Variants in SOAT1 observed in about 807,000 individuals in gnomAD.
The protein encoded by SOAT1 is sterol O-acyltransferase 1.
In SOAT1, 55 loss-of-function variants were observed where a neutral mutation model predicts 69.5. The ratio of observed to expected loss-of-function variants is 0.79; its 90% confidence interval spans 0.64 to 0.99. The LOEUF (loss-of-function observed/expected upper bound fraction) is 0.99, where lower values mean the gene tolerates loss of function less well. Among genes scored for constraint, SOAT1 ranks in the 50% least tolerant of loss-of-function variants. The pLI, the probability that SOAT1 is intolerant of heterozygous loss-of-function variation, is 0.00. For missense variants in SOAT1, 580 were observed against 669.3 expected, an observed-to-expected ratio of 0.87 and a Z score of 1.47; for synonymous variants, 231 against 224.7, an observed-to-expected ratio of 1.03 and a Z score of -0.25.
intron 2 of SOAT1, among the ~76,000 whole-genome samples, chr1:179,304,082 G>T (rs1664922583): frequency 6.6e-6 from 1 of 152,184 alleles, no homozygotes; most frequent in Non-Finnish European, 1.5e-5. Flanking sequence ...GTTAAAAATT[G>T]AATTGGTTAG....
chr1:179,301,816 G>A (rs895746527), intron 1 of SOAT1, among the ~76,000 whole-genome samples: 16 of 152,182 alleles, frequency 1.1e-4, no homozygotes, highest in African/African-American at 3.9e-4. Context: ...GGCTTATAAG[G>A]TCCTTGTTTT....
At chr1:179,314,386 C>A (rs1051246116) in intron 2 of SOAT1, among the ~76,000 whole-genome samples, 1 of 152,142 alleles carries the variant, frequency 6.6e-6, no homozygotes, top group Non-Finnish European at 1.5e-5. Context: ...GGTAGATTGA[C>A]TATAGTAATA....
chr1:179,352,594 C>T (rs537860187), intron 15 of SOAT1, among the ~76,000 whole-genome samples: 91 of 152,244 alleles, frequency 6.0e-4, no homozygotes, highest in African/African-American at 2.0e-3. Context: ...AAGTTCATCT[C>T]GGCATCCTGT....
rs772270018 is a variant in SOAT1 at position 179,345,037 on chromosome 1, C to T, written c.1078C>T (p.Arg360Cys). The change falls in exon 11 of 16, where the codon CGT (arginine) becomes TGT (cysteine). Residue 360 changes from arginine to cysteine, a missense_variant. Physicochemically the swap from Arg to Cys is radical, Grantham distance 180 (BLOSUM62 -3). Transcript: ENST00000367619. ...TATCAAACAGGAGCCCTTCAGCGCTCGTGTTCTGGTCCTATGTGTATTTAA... is the reference window on the plus strand; with the variant it reads ...TATCAAACAGGAGCCCTTCAGCGCTTGTGTTCTGGTCCTATGTGTATTTAA... ...RNIKQEPFSARVLVLCVFNSI... is the reference protein window; with the variant it reads ...RNIKQEPFSACVLVLCVFNSI... 8.1e-6 allele frequency: 13 copies of T among 1,613,926 alleles called. No individual in the cohort carries two copies. Among genetic ancestry groups the T allele is most frequent in the Middle Eastern group, 1.6e-4 (1 of 6,082 alleles).
chr1:179,334,843 C>T (rs1050498727), intron 3 of SOAT1, among the ~76,000 whole-genome samples: 3 of 151,724 alleles, frequency 2.0e-5, no homozygotes, highest in African/African-American at 7.3e-5. Context: ...TGGAGAAACC[C>T]TGTCTCTACG....
At chr1:179,327,287 C>A (rs1324912594) in intron 3 of SOAT1, among the ~76,000 whole-genome samples, 1 of 152,066 alleles carries the variant, frequency 6.6e-6, no homozygotes, top group East Asian at 1.9e-4. Flanking sequence ...TTTTTAAATG[C>A]AAGTTAGGAA....
At chr1:179,312,507 C>G (rs562133648) in intron 2 of SOAT1, among the ~76,000 whole-genome samples, 6 of 152,168 alleles carry the variant, frequency 3.9e-5, no homozygotes, top group African/African-American at 1.4e-4. Flanking sequence ...GTCTCATTGG[C>G]CAGAGTTAGA....
chr1:179,323,750 G>A lies in SOAT1; in HGVS notation c.177+255G>A, dbSNP rs141055308. 5.9e-5 allele frequency among the ~76,000 whole-genome samples: 9 copies of A among 152,238 alleles called. No individual in the cohort carries two copies. In the East Asian group the frequency reaches 1.5e-3, roughly 26 times the overall value. ...GCAAATCTTGGTTTTAGTGACCCAC[G>A]TTAACAGTTGATAGCGTTGAATGTC... On this transcript the variant is annotated intron_variant, in intron 3 of 15. Coordinates refer to ENST00000367619, the MANE Select transcript of SOAT1 (RefSeq NM_003101.6).
At chr1:179,353,219 A>ATTTATATATATAAATATATATATTTT (rs1666805121) in intron 15 of SOAT1, among the ~76,000 whole-genome samples, 3 of 121,336 alleles carry the variant, frequency 2.5e-5, no homozygotes, top group Admixed American at 1.0e-4. Flanking sequence ...ATATATATAT[A>ATTTATATATATAAATATATATATTTT]TATATCTATT....
intron 1 of SOAT1, among the ~76,000 whole-genome samples, chr1:179,301,348 T>C (rs1664825080): frequency 1.3e-5 from 2 of 152,246 alleles, no homozygotes; most frequent in African/African-American, 4.8e-5. Context: ...TCTAATTTCT[T>C]AGGCCTTTAT....
At position 179,344,352 on chromosome 1, in the gene SOAT1, GGTTTTT is replaced by G. The variant is rs1558056815; in HGVS notation, c.988-594_988-589del. 1.0e-3 allele frequency among the ~76,000 whole-genome samples: 126 copies of G among 120,544 alleles called. 28 individuals carry two copies. The highest frequency in any genetic ancestry group is 4.4e-3 in the Middle Eastern group (1 of 228). 79.1% of individuals were successfully genotyped at this position (120,544 alleles called of 152,430 possible). On this transcript the variant is annotated intron_variant, in intron 10 of 15. Transcript: ENST00000367619. ...TATGAAGTAAGTTCTTTCATTAAGG[GGTTTTT>G]TTTTTTTTTTTTTTTTTTTTTTTTT...
Position 179,348,846 on chromosome 1 carries a change from T to C in SOAT1, c.1218T>C (p.Asp406=), listed in dbSNP as rs1437422628. ...LRFGDRMFYK[D]WWNSTSYSNY... is the part of the protein sequence containing the mutation. ...TATACCTTTACTTTTTCCCTCAGGA[T>C]TGGTGGAACTCCACGTCATACTCCA... The change falls in exon 13 of 16, where the codon GAT becomes GAC. Residue 406 remains aspartate (D), a splice_region_variant and synonymous_variant. Coordinates refer to ENST00000367619, the MANE Select transcript of SOAT1 (RefSeq NM_003101.6). The C allele has an allele frequency of 1.9e-6, 3 of 1,570,492 alleles. No individual in the cohort carries two copies. The highest frequency in any genetic ancestry group is 2.6e-6 in the Non-Finnish European group (3 of 1,143,010).
At chr1:179,325,267 A>C (rs555837426) in intron 3 of SOAT1, among the ~76,000 whole-genome samples, 16 of 147,936 alleles carry the variant, frequency 1.1e-4, no homozygotes, top group Admixed American at 3.5e-4. Flanking sequence ...CTCCTGCATC[A>C]GCCTCCCGAG....
intron 14 of SOAT1, among the ~76,000 whole-genome samples, chr1:179,350,637 A>G (rs1424566515): frequency 6.6e-6 from 1 of 152,248 alleles, no homozygotes; most frequent in Non-Finnish European, 1.5e-5. Context: ...AAGTAGGGAA[A>G]TGAACTAGGT....
rs1666962800 is a variant in SOAT1 at position 179,357,967 on chromosome 1, AAG to A, written c.*4331_*4332del. The A allele has an allele frequency of 6.6e-6, 1 of 152,206 alleles. No homozygotes were observed. Among genetic ancestry groups the A allele is most frequent in the African/African-American group, 2.4e-5 (1 of 41,444 alleles). 9.4% of individuals were successfully genotyped at this position (152,206 alleles called of 1,614,324 possible). A position where few individuals can be genotyped will look rare whatever the true frequency, so the allele number is the denominator to read the frequency against. Reference sequence around the variant, plus strand: ...AAAAATTACATATAAGCCCGGTTTAAAGAGAGGATAATATGCAACCACCCTAG... The same window carrying A: ...AAAAATTACATATAAGCCCGGTTTAAAGAGGATAATATGCAACCACCCTAG... On this transcript the variant is annotated 3_prime_UTR_variant, in exon 16 of 16. Coordinates refer to ENST00000367619, the MANE Select transcript of SOAT1 (RefSeq NM_003101.6).
intron 1 of SOAT1, among the ~76,000 whole-genome samples, chr1:179,300,359 C>T (rs1664794643): frequency 6.6e-6 from 1 of 152,142 alleles, no homozygotes; most frequent in Non-Finnish European, 1.5e-5. Context: ...GTGGCTTCCT[C>T]TGTCACTTTT....
chr1:179,320,179 G>A (rs1450497131), intron 2 of SOAT1, among the ~76,000 whole-genome samples: 1 of 151,996 alleles, frequency 6.6e-6, no homozygotes, highest in Non-Finnish European at 1.5e-5. Flanking sequence ...ATATTTTTAG[G>A]TATTTGATCC....
At chr1:179,344,231 T>C (rs1666441288) in intron 10 of SOAT1, among the ~76,000 whole-genome samples, 1 of 152,112 alleles carries the variant, frequency 6.6e-6, no homozygotes, top group African/African-American at 2.4e-5. Context: ...TATGTGGGTA[T>C]AGTCTGACTC....
rs1431593279 is a variant in SOAT1 at position 179,345,072 on chromosome 1, G to T, written c.1113G>T (p.Leu371Phe). 1.1e-5 allele frequency: 17 copies of T among 1,613,690 alleles called. No individual in the cohort carries two copies. Among genetic ancestry groups the T allele is most frequent in the Non-Finnish European group, 1.4e-5 (17 of 1,179,820 alleles). The change falls in exon 11 of 16, where the codon TTG becomes TTT. Residue 371 changes from leucine to phenylalanine, a missense_variant. Physicochemically the swap from Leu to Phe is conservative, Grantham distance 22 (BLOSUM62 0). Transcript: ENST00000367619. ...VLVLCVFNSI[L>F]PGVLILFLTF... Reference sequence around the variant, plus strand: ...TCCTATGTGTATTTAACTCCATCTTGCCAGGTAACATGGGTACTTGTTAAT... The same window carrying T: ...TCCTATGTGTATTTAACTCCATCTTTCCAGGTAACATGGGTACTTGTTAAT...
Sources: allele counts gnomAD v4.1 joint callset (sites outside exome capture counted in the v4.1 genomes callset), GRCh38; gene constraint gnomAD v4.1.1; transcripts MANE v1.5; gene names NCBI Gene and HGNC (gene_info 2026-07-23, HGNC 2026-07-21).